The following CD163L1 variants were observed in gnomAD, a reference collection of about 807,000 sequenced individuals.
The protein encoded by CD163L1 is CD163 molecule like 1.
A neutral mutation model predicts 165.4 loss-of-function variants in CD163L1; 124 were observed. That is an observed-to-expected ratio of 0.75 (90% CI 0.65 to 0.87). The LOEUF is 0.87. Among genes scored for constraint, CD163L1 ranks in the 40% least tolerant of loss-of-function variants. The probability of loss-of-function intolerance (pLI) is 0.00; values close to 1 mark genes in which losing one functional copy is unlikely to be tolerated. For missense variants in CD163L1, 1,525 were observed against 1,799.9 expected (o/e 0.85, Z 2.76); for synonymous variants, 585 against 662.2 (o/e 0.88, Z 1.79).
At chr12:7,393,982 A>G (rs777567194) in intron 8 of CD163L1, among the ~76,000 whole-genome samples, 2 of 152,292 alleles carry the variant, frequency 1.3e-5, no homozygotes, top group South Asian at 2.1e-4. Flanking sequence ...TATCGTGAAA[A>G]TGGCCATACT....
intron 9 of CD163L1, among the ~76,000 whole-genome samples, chr12:7,377,173 C>G (rs1947287268): frequency 6.6e-6 from 1 of 152,116 alleles, no homozygotes; most frequent in Non-Finnish European, 1.5e-5. Context: ...CTGGCTGTAT[C>G]TCTATTTGTA....
At chr12:7,417,365 C>A (rs1948266653) in intron 4 of CD163L1, among the ~76,000 whole-genome samples, 1 of 151,320 alleles carries the variant, frequency 6.6e-6, no homozygotes, top group Non-Finnish European at 1.5e-5. Flanking sequence ...TGTGCAGAGA[C>A]TATTTGACTT....
downstream of CD163L1, among the ~76,000 whole-genome samples, chr12:7,353,783 T>C (rs1397860930): frequency 6.6e-6 from 1 of 152,082 alleles, no homozygotes; most frequent in South Asian, 2.1e-4. Context: ...ATTTATGTTA[T>C]AATAAAAACT....
At chr12:7,326,071 T>C in the CD163L1 span, among the ~76,000 whole-genome samples, 1 of 152,204 alleles carries the variant, frequency 6.6e-6, no homozygotes, top group Non-Finnish European at 1.5e-5. Flanking sequence ...ATAAATAATA[T>C]AAATTATGCT....
chr12:7,389,108 G>C (rs1159793588), intron 8 of CD163L1, among the ~76,000 whole-genome samples: 1 of 152,004 alleles, frequency 6.6e-6, no homozygotes, highest in Non-Finnish European at 1.5e-5. Flanking sequence ...TTCCTTTTTG[G>C]GGGTATATAC....
chr12:7,377,435 A>AT (rs1947293463), intron 9 of CD163L1, among the ~76,000 whole-genome samples: 1 of 152,296 alleles, frequency 6.6e-6, no homozygotes, highest in East Asian at 1.9e-4. Context: ...TCTCCTATCA[A>AT]TAAAAAAAAT....
At chr12:7,334,914 C>A in the CD163L1 span, among the ~76,000 whole-genome samples, 1 of 152,068 alleles carries the variant, frequency 6.6e-6, no homozygotes, top group East Asian at 1.9e-4. Flanking sequence ...GAATAAAATA[C>A]CTAGGAATCC....
chr12:7,421,006 TATAC>T (rs765183342), intron 4 of CD163L1, among the ~76,000 whole-genome samples: 1 of 131,918 alleles, frequency 7.6e-6, no homozygotes, highest in African/African-American at 2.8e-5. Flanking sequence ...CATATATATA[TATAC>T]GTGTATATAT....
At chr12:7,386,270 A>G (rs1457676100) in intron 8 of CD163L1, among the ~76,000 whole-genome samples, 1 of 152,126 alleles carries the variant, frequency 6.6e-6, no homozygotes, top group East Asian at 1.9e-4. Flanking sequence ...TAATCAAGGA[A>G]GAAATAGGAA....
chr12:7,376,617 A>G lies in CD163L1; in HGVS notation c.2372-603T>C, dbSNP rs180840883. 9.4e-4 allele frequency among the ~76,000 whole-genome samples: 143 copies of G among 152,296 alleles called. 2 individuals are homozygous for G. The highest frequency in any genetic ancestry group is 9.3e-3 in the Admixed American group (142 of 15,300). ...TTCTTTGGAGTCCTTTCAAACATCT[A>G]TCTAAGGCTGCAGACTTCCATATTT... is the stretch of plus-strand genomic sequence containing the variant. On this transcript the variant is annotated intron_variant, in intron 9 of 19. Transcript: ENST00000313599.
chr12:7,415,421 G>C (rs1181584387), intron 4 of CD163L1, among the ~76,000 whole-genome samples: 1 of 151,988 alleles, frequency 6.6e-6, no homozygotes, highest in Non-Finnish European at 1.5e-5. Flanking sequence ...CTATAAAACA[G>C]TGTAAAATAA....
At chr12:7,325,976 T>C in the CD163L1 span, among the ~76,000 whole-genome samples, 1 of 152,216 alleles carries the variant, frequency 6.6e-6, no homozygotes, top group Admixed American at 6.5e-5. Flanking sequence ...AAATAGTTTC[T>C]TCCTGCCACC....
chr12:7,403,686 A>ACTGC lies in CD163L1; in HGVS notation c.1253_1256dup (p.Ser419ArgfsTer6). 1 of 1,614,124 alleles carries ACTGC rather than the reference A, an allele frequency of 6.2e-7. No individual in the cohort carries two copies. The highest frequency in any genetic ancestry group is 8.5e-7 in the Non-Finnish European group (1 of 1,179,982). Reference sequence around the variant, plus strand: ...CTTCATTACTAGGTTTAGCACGACGACTGCCAAAGACGCTGAACGGACATC... The same window carrying ACTGC: ...CTTCATTACTAGGTTTAGCACGACGACTGCCTGCCAAAGACGCTGAACGGACATC... On this transcript the variant is annotated frameshift_variant, in exon 6 of 20. Transcript: ENST00000313599. LOFTEE classifies it high-confidence loss of function.
chr12:7,361,348 G>A (rs1279733777), intron 18 of CD163L1, among the ~76,000 whole-genome samples: 1 of 152,024 alleles, frequency 6.6e-6, no homozygotes, highest in Non-Finnish European at 1.5e-5. Flanking sequence ...GAAAATAAAT[G>A]GGTTATCTCA....
At position 7,432,357 on chromosome 12, in the gene CD163L1, A is replaced by G. The variant is rs1948643911; in HGVS notation, c.766+59T>C. On this transcript the variant is annotated intron_variant, in intron 4 of 19. Transcript: ENST00000313599. This position sits in a 1 kb window ranked among gnomAD's most constrained non-coding sequence, Gnocchi z 4.2. ...GAGAATGATTGACCTTTTTCTTTCC[A>G]TACATACTGTTTCTAAACAAATTGT... 1 of 1,303,444 alleles carries G rather than the reference A, an allele frequency of 7.7e-7. No homozygotes were observed. The highest frequency in any genetic ancestry group is 1.1e-6 in the Non-Finnish European group (1 of 931,188). 80.7% of individuals were successfully genotyped at this position (1,303,444 alleles called of 1,614,324 possible).
intron 4 of CD163L1, 115 bp from the exon 5 acceptor site, chr12:7,406,967 G>A (rs961288739): frequency 8.5e-6 from 8 of 939,870 alleles, no homozygotes; most frequent in Non-Finnish European, 1.3e-5. Context: ...TTCAATGAAT[G>A]TCTAACTCTT....
At chr12:7,418,592 G>A (rs986413673) in intron 4 of CD163L1, among the ~76,000 whole-genome samples, 6 of 151,978 alleles carry the variant, frequency 3.9e-5, no homozygotes, top group African/African-American at 1.4e-4. Context: ...GAAACAAAAA[G>A]CTGGGTCTTT....
intron 4 of CD163L1, among the ~76,000 whole-genome samples, chr12:7,431,066 CTT>C (rs1246256791): frequency 1.3e-5 from 2 of 151,988 alleles, no homozygotes; most frequent in Non-Finnish European, 2.9e-5. Context: ...GTAGTGACTT[CTT>C]AGAGGTGGTA....
intron 8 of CD163L1, among the ~76,000 whole-genome samples, chr12:7,380,579 T>C (rs1444137121): frequency 1.3e-5 from 2 of 151,938 alleles, no homozygotes; most frequent in Non-Finnish European, 2.9e-5. Context: ...GGCTAAGCTA[T>C]GACGATGCAA....
Sources: allele counts gnomAD v4.1 joint callset (sites outside exome capture counted in the v4.1 genomes callset), GRCh38; gene constraint gnomAD v4.1.1; non-coding constraint Gnocchi (gnomAD v3.1); transcripts MANE v1.5; gene names NCBI Gene and HGNC (gene_info 2026-07-23, HGNC 2026-07-21).